NR6A1: variants seen among roughly 807,000 people sequenced by gnomAD.
The protein encoded by NR6A1 is retinoic acid receptor-related testis-associated receptor.
In NR6A1, 7 loss-of-function variants were observed where a neutral mutation model predicts 59.1. The observed-to-expected ratio is 0.12, with a 90% CI of 0.07 to 0.22. The LOEUF is 0.22. NR6A1 is among the 10% of genes least tolerant of loss of function. The probability of loss-of-function intolerance (pLI) is 1.00; values close to 1 mark genes in which losing one functional copy is unlikely to be tolerated. For missense variants in NR6A1, 468 were observed against 611.6 expected (o/e 0.77, Z 2.48); for synonymous variants, 243 against 236.1 (o/e 1.03, Z -0.27).
At chr9:124,557,425 G>A (rs1159764269) in intron 2 of NR6A1, among the ~76,000 whole-genome samples, 1 of 152,096 alleles carries the variant, frequency 6.6e-6, no homozygotes, top group Admixed American at 6.6e-5. Flanking sequence ...GGGCCACCGC[G>A]CCCGGCCAAT....
At chr9:124,751,048 G>A (rs1840485594) in intron 1 of NR6A1, among the ~76,000 whole-genome samples, 1 of 98,016 alleles carries the variant, frequency 1.0e-5, no homozygotes, top group Non-Finnish European at 2.0e-5. Flanking sequence ...CACTTAGGGG[G>A]CCAAGTCACT....
At chr9:124,728,003 T>A (rs1327380550) in intron 2 of NR6A1, among the ~76,000 whole-genome samples, 1 of 150,798 alleles carries the variant, frequency 6.6e-6, no homozygotes, top group East Asian at 2.0e-4. Flanking sequence ...ATTTTTATTT[T>A]TTATTTTTAT....
At chr9:124,682,532 A>AACAATTT (rs920330321) in intron 2 of NR6A1, among the ~76,000 whole-genome samples, 1 of 152,218 alleles carries the variant, frequency 6.6e-6, no homozygotes, top group Admixed American at 6.5e-5. Context: ...AAAAATGTAA[A>AACAATTT]ACAATGTCAT....
At chr9:124,644,377 A>C (rs1245741155) in intron 2 of NR6A1, among the ~76,000 whole-genome samples, 1 of 141,126 alleles carries the variant, frequency 7.1e-6, no homozygotes, top group Non-Finnish European at 1.5e-5. Flanking sequence ...TCAGCCTCCC[A>C]AGTAGCTGGG....
In NR6A1 at chr9:124,615,209, A is replaced by C. The variant is rs531926097; in HGVS notation, c.143-60639T>G. Among the ~76,000 whole-genome samples, 3 of 152,358 alleles carry C rather than the reference A, an allele frequency of 2.0e-5. No homozygotes were observed. The East Asian group carries it at 5.8e-4, about 29-fold the overall frequency. On this transcript the variant is annotated intron_variant, in intron 2 of 9. Transcript: ENST00000487099. ...CATAGAATGTAATTCCATCATTACA[A>C]TGCCCTAATTAGAAAGATAAATTAA... is the stretch of plus-strand genomic sequence containing the variant.
At chr9:124,679,135 T>C (rs1251593637) in intron 2 of NR6A1, among the ~76,000 whole-genome samples, 2 of 152,204 alleles carry the variant, frequency 1.3e-5, no homozygotes, top group South Asian at 2.1e-4. Flanking sequence ...TTCAAGATAC[T>C]AGCTAGGTAT....
At chr9:124,729,520 A>G (rs1205008993) in intron 2 of NR6A1, among the ~76,000 whole-genome samples, 1 of 152,156 alleles carries the variant, frequency 6.6e-6, no homozygotes, top group Non-Finnish European at 1.5e-5. Flanking sequence ...TGAGGTCAAG[A>G]CTGCAGTGAG....
At chr9:124,706,459 T>C (rs1223859313) in intron 2 of NR6A1, among the ~76,000 whole-genome samples, 2 of 152,214 alleles carry the variant, frequency 1.3e-5, no homozygotes, top group Non-Finnish European at 2.9e-5. Context: ...GTCTTTTTAA[T>C]GTGGAACTCT....
intron 2 of NR6A1, among the ~76,000 whole-genome samples, chr9:124,696,754 T>C (rs1838778053): frequency 6.6e-6 from 1 of 152,110 alleles, no homozygotes; most frequent in African/African-American, 2.4e-5. Context: ...ATTCCTGACC[T>C]CAAGTGATCC....
chr9:124,558,289 A>G (rs1833984085), intron 2 of NR6A1, among the ~76,000 whole-genome samples: 1 of 152,204 alleles, frequency 6.6e-6, no homozygotes, highest in African/African-American at 2.4e-5. Flanking sequence ...CTGAGATCAA[A>G]GACTAAAGGG....
At position 124,599,216 on chromosome 9, in the gene NR6A1, G is replaced by T. The variant is rs538163528; in HGVS notation, c.143-44646C>A. On this transcript the variant is annotated intron_variant, in intron 2 of 9. Coordinates refer to ENST00000487099, the MANE Select transcript of NR6A1 (RefSeq NM_033334.4). ...CCAGCACTCTGGGAGACTGAGGCGG[G>T]TGGATAACCTGAGGTCAGGAGTTTG... The T allele has an allele frequency of 9.3e-5, 44 of 471,382 alleles. 1 individual carries two copies. Among genetic ancestry groups the T allele is most frequent in the South Asian group, 8.7e-4 (44 of 50,652 alleles). The allele number at this position is 471,382 out of a possible 1,614,324, so 29.2% of individuals were successfully genotyped here. A position where few individuals can be genotyped will look rare whatever the true frequency, so the allele number is the denominator to read the frequency against.
intron 2 of NR6A1, among the ~76,000 whole-genome samples, chr9:124,630,439 A>G (rs1175431986): frequency 1.3e-5 from 2 of 149,620 alleles, no homozygotes; most frequent in Admixed American, 6.7e-5. Context: ...GTTTCATTAT[A>G]TTGGTCAGGC....
At chr9:124,663,564 C>G (rs1480484256) in intron 2 of NR6A1, among the ~76,000 whole-genome samples, 1 of 152,106 alleles carries the variant, frequency 6.6e-6, no homozygotes, top group Non-Finnish European at 1.5e-5. Context: ...TATATAAACA[C>G]TGACCAGTGT....
chr9:124,594,701 G>A (rs1835222558), intron 2 of NR6A1, among the ~76,000 whole-genome samples: 1 of 152,170 alleles, frequency 6.6e-6, no homozygotes, highest in South Asian at 2.1e-4. Context: ...ATTCTGGCAT[G>A]TAAGGTGCTG....
At chr9:124,638,236 G>C (rs904247544) in intron 2 of NR6A1, among the ~76,000 whole-genome samples, 1 of 151,348 alleles carries the variant, frequency 6.6e-6, no homozygotes, top group African/African-American at 2.4e-5. Flanking sequence ...AACCTGGGTA[G>C]AGTGAGACAT....
intron 1 of NR6A1, among the ~76,000 whole-genome samples, chr9:124,769,886 A>C (rs1841064410): frequency 6.6e-6 from 1 of 152,210 alleles, no homozygotes; most frequent in African/African-American, 2.4e-5. Flanking sequence ...ACCTTTTACG[A>C]CCTCACAAAA....
At chr9:124,593,925 C>A (rs1440756737) in intron 2 of NR6A1, among the ~76,000 whole-genome samples, 1 of 152,154 alleles carries the variant, frequency 6.6e-6, no homozygotes, top group African/African-American at 2.4e-5. Flanking sequence ...ACTGGCAGGG[C>A]TGAAAGACCA....
At chr9:124,671,929 C>T (rs1300735042) in intron 2 of NR6A1, among the ~76,000 whole-genome samples, 1 of 152,206 alleles carries the variant, frequency 6.6e-6, no homozygotes, top group African/African-American at 2.4e-5. Context: ...AGATGTAAAA[C>T]ATTACTAACA....
At position 124,764,029 on chromosome 9, in the gene NR6A1, C is replaced by CA. The variant is rs368619546; in HGVS notation, c.100+6990dup. The stretch of plus-strand genomic sequence containing the variant: ...TGAAACCCTGTCTCTACTAAAAACA[C>CA]AAAAATTAGCTGGGCATGGTGGTGG... On this transcript the variant is annotated intron_variant, in intron 1 of 9. Coordinates refer to ENST00000487099, the MANE Select transcript of NR6A1 (RefSeq NM_033334.4). Among the ~76,000 whole-genome samples, 192 of 151,960 alleles carry CA rather than the reference C, an allele frequency of 1.3e-3. 1 individual carries two copies. The highest frequency in any genetic ancestry group is 4.3e-3 in the African/African-American group (179 of 41,460).
Sources: gnomAD v4.1 joint callset for allele counts (sites outside exome capture counted in the v4.1 genomes callset) on GRCh38, gnomAD v4.1.1 for gene constraint, MANE v1.5 for transcripts, NCBI Gene and HGNC (gene_info 2026-07-23, HGNC 2026-07-21) for gene names.